The following KNTC1 variants were observed in gnomAD, a reference collection of about 807,000 sequenced individuals.
KNTC1 encodes the protein kinetochore-associated protein 1.
KNTC1 carries 253 observed loss-of-function variants against 314.4 expected under a neutral mutation model. The ratio of observed to expected loss-of-function variants is 0.80; its 90% CI spans 0.73 to 0.89. The LOEUF is 0.89. Ranked by LOEUF, KNTC1 falls within the 40% of genes least tolerant of loss-of-function variation. The pLI is 0.00. For missense variants in KNTC1, 2,475 were observed against 2,572.9 expected, an observed-to-expected ratio of 0.96 and a Z score of 0.82; for synonymous variants, 901 against 901.4, an observed-to-expected ratio of 1.00 and a Z score of 0.01.
intron 52 of KNTC1, among the ~76,000 whole-genome samples, chr12:122,609,751 T>C (rs1292120178): frequency 1.3e-5 from 2 of 152,110 alleles, no homozygotes; most frequent in African/African-American, 4.8e-5. Flanking sequence ...TCTCTTACCA[T>C]GCTAAACTGG....
Position 122,556,917 on chromosome 12 carries a change from CTTTTTT to C in KNTC1, c.1273-449_1273-444del, listed in dbSNP as rs35101646. Among the ~76,000 whole-genome samples, 779 of 88,300 alleles carry C rather than the reference CTTTTTT, an allele frequency of 8.8e-3. 12 individuals are homozygous for C. The highest frequency in any genetic ancestry group is 0.034 in the African/African-American group (736 of 21,754). 57.9% of individuals were successfully genotyped at this position (88,300 alleles called of 152,430 possible). ...TTGTTGGAAATGACAAATTTTCCCT[CTTTTTT>C]TTTTTTTTTTTTTTTTTAAATAGGG... On this transcript the variant is annotated intron_variant, in intron 16 of 63. Transcript: ENST00000333479.
At chr12:122,542,668 G>A (rs1962432569) in intron 6 of KNTC1, among the ~76,000 whole-genome samples, 1 of 152,096 alleles carries the variant, frequency 6.6e-6, no homozygotes, top group Non-Finnish European at 1.5e-5. Flanking sequence ...GGGAAGCTGA[G>A]GCAGGAGAAT....
intron 20 of KNTC1, among the ~76,000 whole-genome samples, chr12:122,564,040 C>T (rs1207019209): frequency 6.6e-6 from 1 of 152,168 alleles, no homozygotes; most frequent in Non-Finnish European, 1.5e-5. Flanking sequence ...TCCAGCGATG[C>T]TATCTTGGCT....
At chr12:122,580,034 G>C in intron 32 of KNTC1, 57 bp downstream of exon 32, 2 of 1,174,674 alleles carry the variant, frequency 1.7e-6, no homozygotes, top group Non-Finnish European at 2.5e-6. Context: ...ACCCTCTTCA[G>C]AAAGAGGCAT....
intron 20 of KNTC1, among the ~76,000 whole-genome samples, chr12:122,563,184 T>C (rs562467085): frequency 6.6e-6 from 1 of 152,178 alleles, no homozygotes; most frequent in East Asian, 1.9e-4. Context: ...CATTTCTTCT[T>C]TTTTGAGACA....
chr12:122,615,492 TA>T lies in KNTC1; in HGVS notation c.6000del (p.Ala2001ProfsTer21). 6.5e-7 allele frequency: 1 copy of T among 1,528,676 alleles called. No individual in the cohort carries two copies. The highest frequency in any genetic ancestry group is 8.8e-7 in the Non-Finnish European group (1 of 1,133,066). The allele number at this position is 1,528,676 out of a possible 1,614,324, so 94.7% of individuals were successfully genotyped here. A position where few individuals can be genotyped will look rare whatever the true frequency, so the allele number is the denominator to read the frequency against. ...CAGATTCCTTATCTAAGGAAAGTTT[TA>T]AAAGCCATCTCCAGTATCCATTCTT... Reference protein sequence around the residue: ...FNMIPYLRKVLKAISSIHSLW... With the variant: ...FNMIPYLRKVXKAISSIHSLW... On this transcript the variant is annotated frameshift_variant, in exon 57 of 64. Transcript: ENST00000333479. LOFTEE classifies it high-confidence loss of function.
intron 10 of KNTC1, among the ~76,000 whole-genome samples, 158 bp downstream of exon 10, chr12:122,546,832 A>ATTT (rs200482729): frequency 7.3e-6 from 1 of 137,454 alleles, no homozygotes; most frequent in Non-Finnish European, 1.6e-5. Context: ...CTGAAATGTA[A>ATTT]TTTTTTTTTT....
At chr12:122,535,649 C>A (rs1296386458) in intron 3 of KNTC1, among the ~76,000 whole-genome samples, 2 of 150,896 alleles carry the variant, frequency 1.3e-5, no homozygotes, top group Non-Finnish European at 3.0e-5. Context: ...TCTCCAAAAA[C>A]AACAACAACA....
intron 42 of KNTC1, chr12:122,594,006 A>C (rs1469437604): frequency 5.0e-6 from 2 of 401,564 alleles, no homozygotes. Flanking sequence ...ATTCTTCTGC[A>C]GTAATGGAAC....
At chr12:122,580,757 A>G (rs1593599579) in intron 33 of KNTC1, 87 bp downstream of exon 33, 5 of 811,914 alleles carry the variant, frequency 6.2e-6, no homozygotes, top group Non-Finnish European at 7.9e-6. Context: ...GGCTGGGCGC[A>G]GTGGCTTACC....
intron 3 of KNTC1, among the ~76,000 whole-genome samples, chr12:122,536,077 T>TC (rs1466081514): frequency 1.3e-5 from 2 of 150,186 alleles, no homozygotes; most frequent in East Asian, 4.1e-4. Context: ...GTATTTTTTT[T>TC]TTTTTTTAGT....
Position 122,547,514 on chromosome 12 carries a change from CCTT to C in KNTC1, c.918_920del (p.Ser308del), listed in dbSNP as rs750067714. The C allele has an allele frequency of 1.4e-5, 22 of 1,601,342 alleles. No individual in the cohort carries two copies. In the East Asian group the frequency reaches 3.1e-4, roughly 23 times the overall value. On this transcript the variant is annotated inframe_deletion, in exon 11 of 64. Transcript: ENST00000333479. ...TCTTCTTACTACAGAAGCAGACTCT[CCTT>C]CATCAGTCACGTGGTATGTTATGAC... is the stretch of plus-strand genomic sequence containing the variant.
chr12:122,612,993 G>T, intron 53 of KNTC1, 119 bp from the exon 54 acceptor site: 1 of 673,784 alleles, frequency 1.5e-6, no homozygotes, highest in Admixed American at 2.6e-5. Flanking sequence ...TTCCGTAACT[G>T]TAGAGATTGA....
At chr12:122,580,762 C>T (rs1003734295) in intron 33 of KNTC1, 92 bp downstream of exon 33, 2 of 747,006 alleles carry the variant, frequency 2.7e-6, no homozygotes, top group Non-Finnish European at 4.3e-6. Context: ...GGCGCAGTGG[C>T]TTACCCCTGT....
intron 51 of KNTC1, among the ~76,000 whole-genome samples, chr12:122,605,805 A>G (rs564323971): frequency 2.0e-5 from 3 of 152,156 alleles, no homozygotes; most frequent in African/African-American, 7.2e-5. Flanking sequence ...CAGCCTCTCA[A>G]AGTGCTGGGA....
At chr12:122,540,091 C>T (rs1962175392) in intron 5 of KNTC1, among the ~76,000 whole-genome samples, 1 of 151,644 alleles carries the variant, frequency 6.6e-6, no homozygotes, top group Non-Finnish European at 1.5e-5. Context: ...GCCTGAATGA[C>T]TTCTGACTAA....
At chr12:122,532,627 A>T (rs1207152313) in intron 2 of KNTC1, among the ~76,000 whole-genome samples, 1 of 152,178 alleles carries the variant, frequency 6.6e-6, no homozygotes, top group African/African-American at 2.4e-5. Context: ...TCTGGTAGGA[A>T]CTAAAATTCT....
In KNTC1 at chr12:122,590,701, T is replaced by C. The variant is rs775091394; in HGVS notation, c.4094T>C (p.Ile1365Thr). The C allele has an allele frequency of 1.8e-5, 29 of 1,613,414 alleles. No individual in the cohort carries two copies. Among genetic ancestry groups the C allele is most frequent in the Non-Finnish European group, 2.4e-5 (28 of 1,179,566 alleles). The change falls in exon 41 of 64, where the codon ATA becomes ACA. Residue 1365 changes from isoleucine to threonine, a missense_variant. Physicochemically the swap from Ile to Thr is moderately conservative, Grantham distance 89 (BLOSUM62 -1). Transcript: ENST00000333479. Reference protein sequence around the residue: ...KDVFENLWKLIDKAWQNYDKI... With the variant: ...KDVFENLWKLTDKAWQNYDKI... ...GTGTTTGAAAATCTCTGGAAGCTCA[T>C]AGATAAAGCATGGCAGAATTACGAC...
intron 20 of KNTC1, among the ~76,000 whole-genome samples, chr12:122,565,581 C>A (rs967037937): frequency 6.6e-6 from 1 of 151,662 alleles, no homozygotes; most frequent in Non-Finnish European, 1.5e-5. Flanking sequence ...ATATTACCCA[C>A]CGCAAGATTA....
Sources: gnomAD v4.1 joint callset for allele counts (sites outside exome capture counted in the v4.1 genomes callset) on GRCh38, gnomAD v4.1.1 for gene constraint, MANE v1.5 for transcripts, NCBI Gene and HGNC (gene_info 2026-07-23, HGNC 2026-07-21) for gene names.